The following FAM193A variants were observed in gnomAD, a reference collection of about 807,000 sequenced individuals.
The protein encoded by FAM193A is protein FAM193A.
FAM193A carries 22 observed loss-of-function variants against 126.5 expected under a neutral mutation model. That is an observed-to-expected ratio of 0.17 (90% CI 0.12 to 0.25). FAM193A has a LOEUF of 0.25. Among genes scored for constraint, FAM193A ranks in the 10% least tolerant of loss-of-function variants. The pLI is 1.00. For synonymous variants in FAM193A, 761 were observed against 646.8 expected, an observed-to-expected ratio of 1.18 and a Z score of -2.68; for missense variants, 1,675 against 1,672.8, an observed-to-expected ratio of 1.00 and a Z score of -0.02.
chr4:2,626,840 C>A (rs1463557402), intron 4 of FAM193A, among the ~76,000 whole-genome samples: 1 of 152,198 alleles, frequency 6.6e-6, no homozygotes, highest in Non-Finnish European at 1.5e-5. Flanking sequence ...TGTGTGAAGA[C>A]TGATAATAAT....
chr4:2,676,239 A>G (rs1238838299), intron 13 of FAM193A, among the ~76,000 whole-genome samples: 1 of 152,200 alleles, frequency 6.6e-6, no homozygotes, highest in East Asian at 1.9e-4. Context: ...ATTCCCACCA[A>G]CAGTGCACAA....
At chr4:2,548,207 G>A (rs1737688864) in intron 1 of FAM193A, among the ~76,000 whole-genome samples, 1 of 150,254 alleles carries the variant, frequency 6.7e-6, no homozygotes, top group African/African-American at 2.5e-5. Context: ...GAGTAGCTGG[G>A]ATTACAGGCG....
intron 7 of FAM193A, among the ~76,000 whole-genome samples, chr4:2,651,583 GC>G (rs1560523497): frequency 6.6e-6 from 1 of 152,100 alleles, no homozygotes; most frequent in Admixed American, 6.5e-5. Context: ...GGGGAAATCC[GC>G]CCCCATGATC....
chr4:2,636,864 C>A (rs1460767375), intron 5 of FAM193A, among the ~76,000 whole-genome samples: 2 of 152,170 alleles, frequency 1.3e-5, no homozygotes, highest in African/African-American at 4.8e-5. Context: ...AACAGCACCC[C>A]CATTCTACTT....
In FAM193A at chr4:2,626,508, C is replaced by T. The variant is rs1290880988; in HGVS notation, c.734C>T (p.Thr245Ile). 1.1e-5 allele frequency: 8 copies of T among 702,398 alleles called. No homozygotes were observed. The highest frequency in any genetic ancestry group is 2.6e-6 in the Non-Finnish European group (1 of 384,968). The allele number at this position is 702,398 out of a possible 1,614,324, so 43.5% of individuals were successfully genotyped here. A position where few individuals can be genotyped will look rare whatever the true frequency, so the allele number is the denominator to read the frequency against. ...TVRCIYRQAGTPLADDQDQSL... is the reference protein window; with the variant it reads ...TVRCIYRQAGIPLADDQDQSL... ...CGCTGCATCTACCGCCAGGCAGGAA[C>T]CCCGCTGGCAGATGACCAGGACCAG... is the stretch of plus-strand genomic sequence containing the variant. The change falls in exon 4 of 21, where the codon ACC (threonine) becomes ATC (isoleucine). Residue 245 changes from threonine (T) to isoleucine (I), a missense_variant. Physicochemically the swap from Thr to Ile is moderately conservative, Grantham distance 89. Coordinates refer to ENST00000637812, the MANE Select transcript of FAM193A (RefSeq NM_001366318.2).
At chr4:2,615,022 A>G (rs1007038995) in intron 2 of FAM193A, 13 of 152,162 alleles carry the variant, frequency 8.5e-5, no homozygotes, top group African/African-American at 3.1e-4. Context: ...GATCTTTTCA[A>G]AGAACCACAT....
chr4:2,729,929 G>A (rs567677923), intron 20 of FAM193A, among the ~76,000 whole-genome samples: 7 of 151,506 alleles, frequency 4.6e-5, no homozygotes, highest in African/African-American at 1.5e-4. Flanking sequence ...TTTTTGAGAC[G>A]GGTCTCACCT....
chr4:2,621,704 C>G (rs952999016), intron 2 of FAM193A, among the ~76,000 whole-genome samples: 1 of 151,962 alleles, frequency 6.6e-6, no homozygotes, highest in South Asian at 2.1e-4. Context: ...TTGGAAGCAG[C>G]GGAGGAAGAA....
At chr4:2,706,635 C>A (rs1285711042) in intron 19 of FAM193A, among the ~76,000 whole-genome samples, 1 of 151,698 alleles carries the variant, frequency 6.6e-6, no homozygotes, top group African/African-American at 2.4e-5. Context: ...GGGTCTGTTT[C>A]TGGAATTTCT....
At chr4:2,635,273 T>G (rs1743976924) in intron 5 of FAM193A, among the ~76,000 whole-genome samples, 2 of 152,182 alleles carry the variant, frequency 1.3e-5, no homozygotes, top group Middle Eastern at 3.2e-3. Flanking sequence ...AAACTCGGTG[T>G]CTCAGGGCAG....
chr4:2,725,450 CAAAAAAAAAAAAAA>C (rs71644355), intron 20 of FAM193A, among the ~76,000 whole-genome samples: 7 of 31,780 alleles, frequency 2.2e-4, no homozygotes, highest in Admixed American at 1.5e-3. Context: ...ACCCTGTCTC[CAAAAAAAAAAAAAA>C]AAAAAAAAAA....
intron 2 of FAM193A, among the ~76,000 whole-genome samples, chr4:2,610,337 T>C (rs186092477): frequency 2.6e-5 from 4 of 152,296 alleles, no homozygotes; most frequent in Admixed American, 2.0e-4. Flanking sequence ...AGTCCCAACT[T>C]AAACCAGCCA....
intron 3 of FAM193A, among the ~76,000 whole-genome samples, chr4:2,625,744 T>G (rs1274750946): frequency 7.9e-4 from 78 of 99,108 alleles, no homozygotes; most frequent in African/African-American, 3.2e-3. Context: ...TTTTTTTTTT[T>G]GAGACAGGGT....
At chr4:2,686,821 C>G (rs777059642) in intron 13 of FAM193A, among the ~76,000 whole-genome samples, 4 of 152,182 alleles carry the variant, frequency 2.6e-5, no homozygotes, top group Non-Finnish European at 5.9e-5. Context: ...GGGCTTCTGC[C>G]TTTTACAAGA....
chr4:2,592,772 G>T (rs1444776271), intron 1 of FAM193A, among the ~76,000 whole-genome samples: 1 of 152,172 alleles, frequency 6.6e-6, no homozygotes, highest in Non-Finnish European at 1.5e-5. Context: ...GGAAGGAAGA[G>T]CTCTGCATAG....
At chr4:2,545,746 A>G (rs1358009298) in intron 1 of FAM193A, among the ~76,000 whole-genome samples, 2 of 152,226 alleles carry the variant, frequency 1.3e-5, no homozygotes, top group African/African-American at 4.8e-5. Flanking sequence ...CAGTGTTATG[A>G]CAATGGCTCA....
intron 4 of FAM193A, 57 bp from the exon 5 acceptor site, chr4:2,630,878 A>G (rs942649117): frequency 1.0e-6 from 1 of 979,478 alleles, no homozygotes; most frequent in Non-Finnish European, 1.6e-6. Flanking sequence ...GCTCACTGAC[A>G]TCAGAGCACC....
chr4:2,566,144 T>C (rs1351069151), intron 1 of FAM193A, among the ~76,000 whole-genome samples: 1 of 151,550 alleles, frequency 6.6e-6, no homozygotes, highest in African/African-American at 2.4e-5. Flanking sequence ...GCCTTCTGGG[T>C]TCACGCCATT....
intron 2 of FAM193A, among the ~76,000 whole-genome samples, chr4:2,604,633 A>G (rs765709338): frequency 1.6e-4 from 24 of 151,824 alleles, no homozygotes; most frequent in Admixed American, 5.9e-4. Flanking sequence ...TTGTTTAGCT[A>G]TGGGAGCTCC....
Sources: allele counts gnomAD v4.1 joint callset (sites outside exome capture counted in the v4.1 genomes callset), GRCh38; gene constraint gnomAD v4.1.1; transcripts MANE v1.5; gene names NCBI Gene and HGNC (gene_info 2026-07-23, HGNC 2026-07-21).